CACNA1F: variants seen among roughly 807,000 people sequenced by gnomAD.
The protein encoded by CACNA1F is calcium voltage-gated channel subunit alpha1 F, also known as voltage-dependent L-type calcium channel subunit alpha-1F.
CACNA1F carries 59 observed loss-of-function variants against 143.8 expected under a neutral mutation model. The observed-to-expected ratio is 0.41, with a 90% CI of 0.33 to 0.51. The LOEUF is 0.51. Among genes scored for constraint, CACNA1F ranks in the 20% least tolerant of loss-of-function variants. The pLI is 0.22. For missense variants in CACNA1F, 1,411 were observed against 1,647.5 expected, an observed-to-expected ratio of 0.86 and a Z score of 2.48; for synonymous variants, 643 against 649.1, an observed-to-expected ratio of 0.99 and a Z score of 0.14.
At chrX:49,227,445 T>G (rs1289134069) in intron 8 of CACNA1F, among the ~76,000 whole-genome samples, 1 of 111,633 alleles carries the variant, frequency 9.0e-6, no homozygotes, top group African/African-American at 3.3e-5. Flanking sequence ...CCACCTCAGC[T>G]TCCTGAGTAG....
rs1557106224 is a variant in CACNA1F at position 49,211,372 on chromosome X, T to G, written c.4210A>C (p.Asn1404His). Reference protein sequence around the residue: ...GPGEEFTCGSNFAIAYFISFF... With the variant: ...GPGEEFTCGSHFAIAYFISFF... The stretch of plus-strand genomic sequence containing the variant: ...CTGATGAAATAGGCGATGGCAAAAT[T>G]GCTACCACAGGTAAACTCTTCACCA... Residue 1404 changes from asparagine (N) to histidine (H), a missense_variant, in exon 36 of 48, where the codon AAT becomes CAT. Transcript: ENST00000323022. 8.3e-7 allele frequency: 1 copy of G among 1,210,660 alleles called. No homozygotes were observed. Among genetic ancestry groups the G allele is most frequent in the East Asian group, 3.0e-5 (1 of 33,814 alleles).
chrX:49,231,013 G>GT, intron 3 of CACNA1F, 24 bp from the exon 4 acceptor site: 1 of 1,043,860 alleles, frequency 9.6e-7, no homozygotes, highest in Non-Finnish European at 1.3e-6. Context: ...CGGGGGGCGG[G>GT]TCGGGAAGTC....
At chrX:49,210,481 T>C (rs1569527736) in intron 38 of CACNA1F, 78 bp from the exon 39 acceptor site, 1 of 1,013,460 alleles carries the variant, frequency 9.9e-7, no homozygotes, top group Non-Finnish European at 1.4e-6. Context: ...GGCAGAAACC[T>C]CTGAGGATGC....
chrX:49,230,061 A>T (rs1489263941), intron 6 of CACNA1F, among the ~76,000 whole-genome samples, 159 bp downstream of exon 6: 1 of 111,333 alleles, frequency 9.0e-6, no homozygotes, highest in African/African-American at 3.3e-5. Flanking sequence ...GATTTAGGGC[A>T]GAGTCTTGAA....
At position 49,222,524 on chromosome X, in the gene CACNA1F, G is replaced by A; in HGVS notation, c.2286C>T (p.Gly762=). ...TTAGGGGTGGAGCCAGATCTCACCC[G>A]CCCTTGTCCTTGGCAGTGCCTGCAT... The part of the protein sequence containing the change: ...SGDAGTAKDK[G]GEKSNEKDLP... Residue 762 remains glycine, a splice_region_variant and synonymous_variant, in exon 17 of 48, where the codon GGC becomes GGT. Coordinates refer to ENST00000323022, the MANE Select transcript of CACNA1F (RefSeq NM_001256789.3). The A allele has an allele frequency of 2.5e-6, 3 of 1,206,351 alleles. No homozygotes were observed. Among genetic ancestry groups the A allele is most frequent in the Non-Finnish European group, 3.4e-6 (3 of 891,378 alleles).
chrX:49,211,899 T>C lies in CACNA1F; in HGVS notation c.4099A>G (p.Arg1367Gly). 1 of 1,208,885 alleles carries C rather than the reference T, an allele frequency of 8.3e-7. No individual in the cohort carries two copies. The highest frequency in any genetic ancestry group is 1.1e-6 in the Non-Finnish European group (1 of 892,812). The change falls in exon 35 of 48, where the codon AGG becomes GGG. Residue 1367 changes from arginine to glycine, a missense_variant and splice_region_variant. By Grantham distance (125) the Arg-to-Gly change is moderately radical. Coordinates refer to ENST00000323022, the MANE Select transcript of CACNA1F (RefSeq NM_001256789.3). ...GGCAGGGGAGTGAGTAGATGTCACCTGAACAGAAGCAGCACAGCCTGTGGA... is the reference window on the plus strand; with the variant it reads ...GGCAGGGGAGTGAGTAGATGTCACCCGAACAGAAGCAGCACAGCCTGTGGA... ...TFPQAVLLLF[R>G]CATGEAWQEI...
At position 49,226,980 on chromosome X, in the gene CACNA1F, A is replaced by G. The variant is rs782349207; in HGVS notation, c.1266T>C (p.Asp422=). The change falls in exon 9 of 48, where the codon GAT becomes GAC. Residue 422 remains aspartate, a synonymous_variant. Coordinates refer to ENST00000323022, the MANE Select transcript of CACNA1F (RefSeq NM_001256789.3). ...CTTCAGCCATAGAACCAAGGTTGTC[A>G]TCGGCGGAGGGGTCCTCCATGTCCA... ...EELDMEDPSA[D]DNLGPQLAEL... is the part of the protein sequence containing the mutation. 1.9e-5 allele frequency: 23 copies of G among 1,210,648 alleles called. No homozygotes were observed. The highest frequency in any genetic ancestry group is 2.3e-5 in the Non-Finnish European group (21 of 895,252).
rs1023080611 is a variant in CACNA1F, at chrX:49,225,798, G to C, written c.1651+111C>G. On this transcript the variant is annotated intron_variant, in intron 13 of 47. Transcript: ENST00000323022. ...AAGGGCTCTGGATTTATTTGGGTAG[G>C]GGGGAAGGCAGTGTCTTGGGGGCTG... is the stretch of plus-strand genomic sequence containing the variant. 9 of 546,700 alleles carry C rather than the reference G, an allele frequency of 1.6e-5. No individual in the cohort carries two copies. In the South Asian group the frequency reaches 1.7e-4, roughly 10 times the overall value. The allele number at this position is 546,700 out of a possible 1,213,427, so 45.1% of individuals were successfully genotyped here.
At chrX:49,217,510 G>T (rs1409525316) in intron 26 of CACNA1F, among the ~76,000 whole-genome samples, 1 of 111,129 alleles carries the variant, frequency 9.0e-6, no homozygotes, top group East Asian at 2.8e-4. Flanking sequence ...ATGGAAGCTG[G>T]GGGCTCAGGG....
At chrX:49,214,131 GT>G in intron 30 of CACNA1F, 27 bp downstream of exon 30, 2 of 967,419 alleles carry the variant, frequency 2.1e-6, no homozygotes, top group South Asian at 3.8e-5. Flanking sequence ...TCATCCACTG[GT>G]GGGTGGGGCT....
In CACNA1F at chrX:49,224,758, A is replaced by T; in HGVS notation, c.1877+3T>A. The T allele has an allele frequency of 8.7e-7, 1 of 1,149,675 alleles. No individual in the cohort carries two copies. Among genetic ancestry groups the T allele is most frequent in the Non-Finnish European group, 1.2e-6 (1 of 854,669 alleles). 94.7% of individuals were successfully genotyped at this position (1,149,675 alleles called of 1,213,427 possible). On this transcript the variant is annotated splice_donor_region_variant and intron_variant, in intron 14 of 47. Transcript: ENST00000323022. The stretch of plus-strand genomic sequence containing the variant: ...CTTGTCTTCCCCCTCCCCTAATACA[A>T]ACCTGGTGACCTTAAAGATCCTGAG...
intron 9 of CACNA1F, 102 bp from the exon 10 acceptor site, chrX:49,226,804 G>T (rs1313817339): frequency 6.1e-6 from 6 of 984,341 alleles, no homozygotes; most frequent in Non-Finnish European, 8.5e-6. Flanking sequence ...GCTGAGGCTG[G>T]TCTTGATTCT....
chrX:49,209,366 C>A lies in CACNA1F; in HGVS notation c.4849G>T (p.Gly1617Cys). ...QAGLRSLQDLGPEMRQALTCD... is the reference protein window; with the variant it reads ...QAGLRSLQDLCPEMRQALTCD... ...GTGAGGGCCTGCCGCATCTCAGGACCCAAGTCCTGCAGGCTCCGCAGACCA... is the reference window on the plus strand; with the variant it reads ...GTGAGGGCCTGCCGCATCTCAGGACACAAGTCCTGCAGGCTCCGCAGACCA... Residue 1617 changes from glycine to cysteine, a missense_variant, in exon 42 of 48, where the codon GGT becomes TGT. Gly to Cys is a radical substitution (Grantham distance 159). Coordinates refer to ENST00000323022, the MANE Select transcript of CACNA1F (RefSeq NM_001256789.3). 8.3e-7 allele frequency: 1 copy of A among 1,210,032 alleles called. No homozygotes were observed. Among genetic ancestry groups the A allele is most frequent in the Non-Finnish European group, 1.1e-6 (1 of 894,148 alleles).
chrX:49,214,388 C>T (rs1303538888), intron 29 of CACNA1F, 119 bp from the exon 30 acceptor site: 5 of 527,534 alleles, frequency 9.5e-6, no homozygotes, highest in Middle Eastern at 3.9e-4. Context: ...GTGTATTGGT[C>T]AAACCTCTTG....
chrX:49,215,190 T>TG lies in CACNA1F; in HGVS notation c.3492dup (p.Lys1165GlnfsTer18). On this transcript the variant is annotated frameshift_variant, in exon 29 of 48. Transcript: ENST00000323022. LOFTEE classifies it high-confidence loss of function. ...CACACACGATACTGATGCGGGTTCT[T>TG]GGGGATGTAACGGCGGAGTGGCTGG... 2 of 1,210,672 alleles carry TG rather than the reference T, an allele frequency of 1.7e-6. No individual in the cohort carries two copies. The highest frequency in any genetic ancestry group is 2.2e-6 in the Non-Finnish European group (2 of 894,918).
intron 14 of CACNA1F, among the ~76,000 whole-genome samples, chrX:49,224,173 A>G (rs1273638562): frequency 1.8e-5 from 2 of 110,190 alleles, no homozygotes; most frequent in African/African-American, 6.6e-5. Context: ...GCTGGGATAG[A>G]GGAGGGGATG....
At chrX:49,210,828 G>A in intron 37 of CACNA1F, 137 bp downstream of exon 37, 1 of 856,233 alleles carries the variant, frequency 1.2e-6, no homozygotes, top group South Asian at 2.2e-5. Flanking sequence ...AGAGAGGGCA[G>A]AGGATGGGGC....
At chrX:49,205,879 C>T (rs782061932) in intron 46 of CACNA1F, 66 bp from the exon 47 acceptor site, 66 of 954,438 alleles carry the variant, frequency 6.9e-5, no homozygotes, top group East Asian at 4.4e-4. Context: ...TAGGACTCAC[C>T]GCTGTGCCTA....
chrX:49,211,287 G>GACGGTGGTGGTGGTTGT, intron 36 of CACNA1F, 35 bp downstream of exon 36: 1 of 1,205,691 alleles, frequency 8.3e-7, no homozygotes, highest in Non-Finnish European at 1.1e-6. Context: ...CAGCCCCCGT[G>GACGGTGGTGGTGGTTGT]ACGGTGGTGG....
Sources: gnomAD v4.1 joint callset for allele counts (sites outside exome capture counted in the v4.1 genomes callset) on GRCh38, gnomAD v4.1.1 for gene constraint, MANE v1.5 for transcripts, NCBI Gene and HGNC (gene_info 2026-07-23, HGNC 2026-07-21) for gene names.